The following FBXL17 variants were observed in gnomAD, a reference collection of about 807,000 sequenced individuals.
The protein encoded by FBXL17 is F-box/LRR-repeat protein 17.
FBXL17 carries 22 observed loss-of-function variants against 66.2 expected under a neutral mutation model. The observed-to-expected ratio is 0.33, with a 90% CI of 0.24 to 0.47. FBXL17 has a LOEUF of 0.47. Ranked by LOEUF, FBXL17 falls within the 20% of genes least tolerant of loss-of-function variation. The pLI is 1.00. For synonymous variants in FBXL17, 474 were observed against 400.5 expected, an observed-to-expected ratio of 1.18 and a Z score of -2.19; for missense variants, 878 against 948.2, an observed-to-expected ratio of 0.93 and a Z score of 0.97.
intron 6 of FBXL17, among the ~76,000 whole-genome samples, chr5:108,091,070 C>T (rs761458701): frequency 6.6e-6 from 1 of 152,304 alleles, no homozygotes; most frequent in South Asian, 2.1e-4. Flanking sequence ...TAACTGAAGA[C>T]TATCACAATG....
intron 3 of FBXL17, among the ~76,000 whole-genome samples, chr5:108,361,306 TC>T (rs1471349951): frequency 6.6e-6 from 1 of 152,184 alleles, no homozygotes; most frequent in Non-Finnish European, 1.5e-5. Context: ...GAAAGAGATT[TC>T]CTTGGATGCC....
intron 8 of FBXL17, among the ~76,000 whole-genome samples, chr5:107,869,711 A>G (rs548107259): frequency 5.9e-5 from 9 of 152,200 alleles, no homozygotes; most frequent in African/African-American, 2.2e-4. Context: ...CTGTGGTGAG[A>G]GCAGGGAACT....
chr5:107,949,458 C>A (rs1367368465), intron 7 of FBXL17, among the ~76,000 whole-genome samples: 1 of 152,086 alleles, frequency 6.6e-6, no homozygotes, highest in Non-Finnish European at 1.5e-5. Flanking sequence ...TTTGAAAAAT[C>A]TTTTTACAGA....
At chr5:108,080,746 G>A (rs1272565937) in intron 6 of FBXL17, among the ~76,000 whole-genome samples, 1 of 152,188 alleles carries the variant, frequency 6.6e-6, no homozygotes, top group African/African-American at 2.4e-5. Context: ...TTGGCAATTG[G>A]TTGAAGGAGT....
chr5:108,356,107 G>T (rs1405592613), intron 3 of FBXL17, among the ~76,000 whole-genome samples: 3 of 152,064 alleles, frequency 2.0e-5, no homozygotes, highest in African/African-American at 7.2e-5. Flanking sequence ...GACAGAGCAG[G>T]CTTCAAAGCA....
Position 108,258,014 on chromosome 5 carries a change from C to T in FBXL17, c.1507-33786G>A, listed in dbSNP as rs368456543. Among the ~76,000 whole-genome samples, 6 of 152,064 alleles carry T rather than the reference C, an allele frequency of 3.9e-5. No individual in the cohort carries two copies. The East Asian group carries it at 5.8e-4, about 15-fold the overall frequency. ...AGGCGTGCCAGCAACTGTGGGGATG[C>T]AAATTACATCACAAGGTTATGATAC... On this transcript the variant is annotated intron_variant, in intron 4 of 8. Transcript: ENST00000542267.
chr5:107,989,570 T>C (rs879635746), intron 7 of FBXL17, among the ~76,000 whole-genome samples: 13 of 152,186 alleles, frequency 8.5e-5, no homozygotes, highest in South Asian at 2.1e-4. Context: ...CATATCTTGG[T>C]TATTGTGAAT....
chr5:107,883,054 CTTT>C (rs1323128610), intron 7 of FBXL17, among the ~76,000 whole-genome samples: 2 of 152,240 alleles, frequency 1.3e-5, no homozygotes, highest in East Asian at 3.9e-4. Context: ...TAGAATGAAA[CTTT>C]TTTATTTCTT....
chr5:108,205,644 T>C (rs1022199000), intron 5 of FBXL17, among the ~76,000 whole-genome samples: 2 of 152,196 alleles, frequency 1.3e-5, no homozygotes, highest in African/African-American at 2.4e-5. Flanking sequence ...ATTGTCTTTT[T>C]GTGGTATTAT....
At chr5:107,988,468 T>C (rs539142968) in intron 7 of FBXL17, among the ~76,000 whole-genome samples, 17 of 152,134 alleles carry the variant, frequency 1.1e-4, no homozygotes, top group Non-Finnish European at 1.9e-4. Context: ...GAGTTGAATA[T>C]ATAGGCTGCT....
intron 6 of FBXL17, among the ~76,000 whole-genome samples, chr5:108,036,571 C>T (rs7707085): frequency 0.42 from 64,512 of 151,880 alleles, 13,850 homozygotes; most frequent in Admixed American, 0.47. Flanking sequence ...CAGACCCAAG[C>T]GCTTATGTCT....
At chr5:108,080,077 G>C (rs77729862) in intron 6 of FBXL17, among the ~76,000 whole-genome samples, 1 of 152,250 alleles carries the variant, frequency 6.6e-6, no homozygotes, top group East Asian at 1.9e-4. Flanking sequence ...GGAGGCACTA[G>C]ATTTATTCAG....
chr5:108,166,662 T>C (rs1365995655), intron 6 of FBXL17, among the ~76,000 whole-genome samples: 2 of 152,136 alleles, frequency 1.3e-5, no homozygotes, highest in Non-Finnish European at 2.9e-5. Context: ...CTATACGCAA[T>C]AGATAAAGAG....
intron 7 of FBXL17, among the ~76,000 whole-genome samples, chr5:107,996,832 T>C (rs1477144564): frequency 6.6e-6 from 1 of 152,172 alleles, no homozygotes; most frequent in Non-Finnish European, 1.5e-5. Flanking sequence ...CTCCAAAGCA[T>C]TGAAGCTTAT....
At chr5:108,233,064 C>T in intron 4 of FBXL17, among the ~76,000 whole-genome samples, 1 of 151,834 alleles carries the variant, frequency 6.6e-6, no homozygotes, top group South Asian at 2.1e-4. Flanking sequence ...GTGAGTCACA[C>T]AAATGTATGT....
At chr5:108,241,683 C>T (rs1755861352) in intron 4 of FBXL17, among the ~76,000 whole-genome samples, 1 of 152,048 alleles carries the variant, frequency 6.6e-6, no homozygotes, top group African/African-American at 2.4e-5. Flanking sequence ...AGAAAGACTA[C>T]CTTAATGAAC....
intron 7 of FBXL17, among the ~76,000 whole-genome samples, chr5:107,934,396 T>C (rs778952423): frequency 6.6e-6 from 1 of 152,174 alleles, no homozygotes; most frequent in Non-Finnish European, 1.5e-5. Flanking sequence ...TATGACAGAA[T>C]AAGCAGACAT....
chr5:108,185,166 G>A (rs1319401917), intron 6 of FBXL17, among the ~76,000 whole-genome samples: 1 of 151,972 alleles, frequency 6.6e-6, no homozygotes, highest in Non-Finnish European at 1.5e-5. Flanking sequence ...TTCCATTTCT[G>A]AAACAAATTA....
At chr5:107,874,412 C>T (rs1048909567) in intron 8 of FBXL17, among the ~76,000 whole-genome samples, 1 of 152,160 alleles carries the variant, frequency 6.6e-6, no homozygotes, top group Non-Finnish European at 1.5e-5. Flanking sequence ...GTGTGCCTGA[C>T]TTCGGGCTAA....
Sources: allele counts gnomAD v4.1 joint callset (sites outside exome capture counted in the v4.1 genomes callset), GRCh38; gene constraint gnomAD v4.1.1; transcripts MANE v1.5; gene names NCBI Gene and HGNC (gene_info 2026-07-23, HGNC 2026-07-21).